REV1: variants seen among roughly 807,000 people sequenced by gnomAD.
The protein encoded by REV1 is translesion synthesis protein REV1.
In REV1, 42 loss-of-function variants were observed where a neutral mutation model predicts 137.4. That is an observed-to-expected ratio of 0.31 (90% CI 0.24 to 0.40). The LOEUF (loss-of-function observed/expected upper bound fraction) is 0.40, where lower values mean the gene tolerates loss of function less well. Ranked by LOEUF, REV1 falls within the 10% of genes least tolerant of loss-of-function variation. The pLI is 1.00. For synonymous variants in REV1, 524 were observed against 519.2 expected (o/e 1.01, Z -0.12); for missense variants, 1,282 against 1,490.1 (o/e 0.86, Z 2.30).
intron 1 of REV1, among the ~76,000 whole-genome samples, chr2:99,479,895 G>T (rs1178088561): frequency 6.6e-6 from 1 of 152,182 alleles, no homozygotes; most frequent in Non-Finnish European, 1.5e-5. Context: ...ACCCAAGAAA[G>T]CATCACTGAG....
chr2:99,429,744 T>TAGG (rs1679870838), intron 9 of REV1, 96 bp downstream of exon 9: 3 of 782,464 alleles, frequency 3.8e-6, no homozygotes, highest in African/African-American at 3.6e-5. Flanking sequence ...GTCTGTAACA[T>TAGG]TTAAATCCAC....
intron 3 of REV1, 150 bp downstream of exon 3, chr2:99,462,345 GA>G: frequency 1.4e-6 from 1 of 737,188 alleles, no homozygotes; most frequent in Non-Finnish European, 2.1e-6. Flanking sequence ...ACATGGAAAG[GA>G]AAAAGAAGTA....
rs1678675552 is a variant in REV1 at position 99,421,558 on chromosome 2, G to C, written c.1772C>G (p.Ala591Gly). Residue 591 changes from alanine (A) to glycine (G), a missense_variant, in exon 11 of 23, where the codon GCA becomes GGA. Physicochemically the swap from Ala to Gly is moderately conservative, Grantham distance 60 (BLOSUM62 0). Around this residue, in one of 7 missense-constraint regions of REV1, gnomAD observed 372 missense variants for 482.3 expected, o/e 0.77. Coordinates refer to ENST00000258428, the MANE Select transcript of REV1 (RefSeq NM_016316.4). ...TTTGATTTCCATACGAACAGCATTT[G>C]CAAATTCATCAGGAGTAAGTTTGGT... ...AETKLTPDEF[A>G]NAVRMEIKDQ... 1 of 1,613,922 alleles carries C rather than the reference G, an allele frequency of 6.2e-7. No individual in the cohort carries two copies. The highest frequency in any genetic ancestry group is 1.3e-5 in the African/African-American group (1 of 74,878).
chr2:99,436,453 G>A (rs1310605492), intron 6 of REV1, among the ~76,000 whole-genome samples: 1 of 152,128 alleles, frequency 6.6e-6, no homozygotes, highest in African/African-American at 2.4e-5. Context: ...ATTATTAAAT[G>A]GTTGAGCTGT....
intron 2 of REV1, among the ~76,000 whole-genome samples, chr2:99,464,617 T>C (rs1003394881): frequency 1.3e-5 from 2 of 152,354 alleles, no homozygotes; most frequent in East Asian, 3.9e-4. Flanking sequence ...GACCAATCCC[T>C]TATTATTGGA....
chr2:99,402,194 C>T, intron 22 of REV1, 50 bp downstream of exon 22: 1 of 755,014 alleles, frequency 1.3e-6, no homozygotes, highest in Non-Finnish European at 2.3e-6. Flanking sequence ...CACCCTCAGC[C>T]ATTGTGACAT....
At chr2:99,454,356 G>T (rs1318412266) in intron 3 of REV1, among the ~76,000 whole-genome samples, 1 of 151,818 alleles carries the variant, frequency 6.6e-6, no homozygotes, top group African/African-American at 2.4e-5. Flanking sequence ...TCAAGACCAA[G>T]TCTGACCAAC....
intron 13 of REV1, among the ~76,000 whole-genome samples, chr2:99,412,270 A>C (rs928927281): frequency 8.6e-5 from 13 of 150,840 alleles, no homozygotes; most frequent in African/African-American, 2.7e-4. Context: ...AAAAAAAAAA[A>C]AAAAAAAAAA....
At chr2:99,413,577 A>T (rs945860975) in intron 12 of REV1, among the ~76,000 whole-genome samples, 23 of 152,120 alleles carry the variant, frequency 1.5e-4, no homozygotes, top group African/African-American at 5.1e-4. Context: ...CTCTCTGAAG[A>T]GATATGAACT....
chr2:99,456,436 G>A (rs78886329), intron 3 of REV1, among the ~76,000 whole-genome samples: 1,997 of 152,262 alleles, frequency 0.013, 44 homozygotes, highest in African/African-American at 0.046. Context: ...CGACTGGAGG[G>A]CAAAGTACAC....
chr2:99,451,571 T>C, intron 3 of REV1: 2 of 1,005,856 alleles, frequency 2.0e-6, no homozygotes, highest in Non-Finnish European at 2.8e-6. Context: ...GCTTTCACAC[T>C]CCTGAGTTGT....
intron 4 of REV1, among the ~76,000 whole-genome samples, chr2:99,443,848 C>CTT (rs368655067): frequency 1.3e-3 from 196 of 147,642 alleles, no homozygotes; most frequent in African/African-American, 4.6e-3. Context: ...ACTTTTCTTC[C>CTT]TTTTTTTTTT....
chr2:99,488,302 T>C (rs1687316224), intron 1 of REV1, among the ~76,000 whole-genome samples: 2 of 119,454 alleles, frequency 1.7e-5, no homozygotes, highest in Non-Finnish European at 3.7e-5. Flanking sequence ...TCAAGCACAT[T>C]ATTTTTTAAA....
In REV1 at chr2:99,406,148, G is replaced by A. The variant is rs536034802; in HGVS notation, c.2615-42C>T. ...TATAAAATAGCCTCTTCAGATCATC[G>A]GGCAGGGCCTTTAATCCTCTGTCCA... is the stretch of plus-strand genomic sequence containing the variant. On this transcript the variant is annotated intron_variant, in intron 16 of 22. Transcript: ENST00000258428. The A allele has an allele frequency of 2.4e-5, 37 of 1,519,818 alleles. No individual in the cohort carries two copies. In the East Asian group the frequency reaches 5.2e-4, roughly 21 times the overall value. The allele number at this position is 1,519,818 out of a possible 1,614,324, so 94.1% of individuals were successfully genotyped here. A position where few individuals can be genotyped will look rare whatever the true frequency, so the allele number is the denominator to read the frequency against.
chr2:99,424,475 A>T (rs1340101080), intron 9 of REV1, 195 bp from the exon 10 acceptor site: 1 of 607,460 alleles, frequency 1.6e-6, no homozygotes, highest in Non-Finnish European at 2.8e-6. Context: ...TGAATAGTGT[A>T]AATGACACAT....
chr2:99,480,156 C>CA (rs1235829609), intron 1 of REV1, among the ~76,000 whole-genome samples: 3 of 152,032 alleles, frequency 2.0e-5, no homozygotes, highest in South Asian at 2.1e-4. Context: ...CTTGTCTCCA[C>CA]AAAAAATTTG....
intron 1 of REV1, among the ~76,000 whole-genome samples, chr2:99,489,615 G>A (rs1178018071): frequency 6.7e-6 from 1 of 149,036 alleles, no homozygotes; most frequent in Non-Finnish European, 1.5e-5. Flanking sequence ...CGGCGGCTGC[G>A]AGCGTCAGGG....
chr2:99,435,766 G>T, intron 7 of REV1, 68 bp downstream of exon 7: 2 of 804,572 alleles, frequency 2.5e-6, no homozygotes, highest in South Asian at 2.0e-5. Context: ...AAAAGATTTT[G>T]TAATCTCTTT....
chr2:99,435,594 T>C (rs781214914), intron 7 of REV1: 16 of 296,110 alleles, frequency 5.4e-5, no homozygotes, highest in Non-Finnish European at 9.2e-5. Context: ...CCTGCCTACA[T>C]TAGTCTTCGA....
Sources: gnomAD v4.1 joint callset for allele counts (sites outside exome capture counted in the v4.1 genomes callset) on GRCh38, gnomAD v4.1.1 for gene constraint, gnomAD v4.1.1 regional missense constraint, MANE v1.5 for transcripts, NCBI Gene and HGNC (gene_info 2026-07-23, HGNC 2026-07-21) for gene names.